The following ZFPM2 variants were observed in gnomAD, a reference collection of about 807,000 sequenced individuals.
ZFPM2 encodes zinc finger protein ZFPM2.
Under a neutral mutation model 98.6 loss-of-function variants are expected in ZFPM2, and 20 were observed. The observed-to-expected ratio is 0.20, with a 90% CI of 0.14 to 0.29. The LOEUF (loss-of-function observed/expected upper bound fraction) is 0.29. Among genes scored for constraint, ZFPM2 ranks in the 10% least tolerant of loss-of-function variants. The probability of loss-of-function intolerance (pLI) is 1.00; values close to 1 mark genes in which losing one functional copy is unlikely to be tolerated. For synonymous variants in ZFPM2, 518 were observed against 502.7 expected (o/e 1.03, Z -0.41); for missense variants, 1,310 against 1,388.6 (o/e 0.94, Z 0.90).
intron 3 of ZFPM2, among the ~76,000 whole-genome samples, chr8:105,530,832 C>T (rs901495236): frequency 1.3e-5 from 2 of 152,136 alleles, no homozygotes; most frequent in Non-Finnish European, 2.9e-5. Context: ...ATGCAAGATG[C>T]TGGACTAGGT....
chr8:105,609,522 T>C (rs769858390), intron 4 of ZFPM2, among the ~76,000 whole-genome samples: 1 of 152,124 alleles, frequency 6.6e-6, no homozygotes, highest in Non-Finnish European at 1.5e-5. Context: ...ACAAGTTAGT[T>C]TTCTAAATCT....
intron 1 of ZFPM2, among the ~76,000 whole-genome samples, chr8:105,364,985 T>G (rs927771842): frequency 6.6e-6 from 1 of 152,106 alleles, no homozygotes; most frequent in Non-Finnish European, 1.5e-5. Context: ...CACTTCCCCA[T>G]TAAACTTTTC....
intron 5 of ZFPM2, among the ~76,000 whole-genome samples, chr8:105,787,825 A>G (rs745842651): frequency 2.6e-5 from 4 of 152,238 alleles, no homozygotes; most frequent in Non-Finnish European, 4.4e-5. Flanking sequence ...GAGAGTGTAG[A>G]TAACAAAATA....
intron 5 of ZFPM2, among the ~76,000 whole-genome samples, chr8:105,645,177 A>T (rs1257398419): frequency 6.6e-6 from 1 of 152,206 alleles, no homozygotes. Context: ...TAACATAGAA[A>T]GCTATGATGT....
Position 105,554,075 on chromosome 8 carries a change from G to T in ZFPM2, c.302-7288G>T, listed in dbSNP as rs532617364. Among the ~76,000 whole-genome samples the T allele has an allele frequency of 2.5e-4, 38 of 152,250 alleles. No homozygotes were observed. The South Asian group carries it at 7.5e-3, about 30-fold the overall frequency. On this transcript the variant is annotated intron_variant, in intron 3 of 7. Transcript: ENST00000407775. ...TGTTCAAAACTGTAGTTTAGTATTT[G>T]TTGTGACTGTATGACTCAAACATTG...
chr8:105,626,999 C>T (rs1816670379), intron 4 of ZFPM2, among the ~76,000 whole-genome samples: 1 of 152,154 alleles, frequency 6.6e-6, no homozygotes, highest in Admixed American at 6.6e-5. Flanking sequence ...TGACTTTTGG[C>T]TCTTTCTAAC....
At chr8:105,395,398 G>A (rs1465326547) in intron 1 of ZFPM2, among the ~76,000 whole-genome samples, 1 of 151,948 alleles carries the variant, frequency 6.6e-6, no homozygotes, top group East Asian at 1.9e-4. Flanking sequence ...TTAATTCTTA[G>A]TGCATTAGAA....
intron 1 of ZFPM2, among the ~76,000 whole-genome samples, chr8:105,354,368 T>C (rs879840617): frequency 6.6e-6 from 1 of 152,226 alleles, no homozygotes; most frequent in Non-Finnish European, 1.5e-5. Context: ...CCATTTTCTT[T>C]ACTTTTAATT....
chr8:105,632,548 C>G (rs1450288614), intron 4 of ZFPM2, among the ~76,000 whole-genome samples: 1 of 152,100 alleles, frequency 6.6e-6, no homozygotes, highest in African/African-American at 2.4e-5. Flanking sequence ...GGACCTAATA[C>G]TTAATTGGAT....
intron 5 of ZFPM2, among the ~76,000 whole-genome samples, chr8:105,783,762 A>T (rs565183588): frequency 5.3e-4 from 67 of 126,926 alleles, no homozygotes; most frequent in South Asian, 1.5e-3. Context: ...TGTAGATCAC[A>T]TGTTTCTTAT....
chr8:105,438,994 T>A (rs1422365267), intron 2 of ZFPM2, among the ~76,000 whole-genome samples: 1 of 151,622 alleles, frequency 6.6e-6, no homozygotes, highest in African/African-American at 2.4e-5. Context: ...CCCAACTAGA[T>A]TATATGGTCC....
intron 4 of ZFPM2, among the ~76,000 whole-genome samples, chr8:105,614,075 C>T (rs1816364161): frequency 6.6e-6 from 1 of 152,034 alleles, no homozygotes; most frequent in Non-Finnish European, 1.5e-5. Flanking sequence ...TTGCCACTTG[C>T]CATTAATTAC....
At chr8:105,463,924 G>T (rs139722853) in intron 3 of ZFPM2, among the ~76,000 whole-genome samples, 5 of 152,170 alleles carry the variant, frequency 3.3e-5, no homozygotes, top group Non-Finnish European at 7.4e-5. Flanking sequence ...TGAGCTGATA[G>T]CCATGAATTT....
At chr8:105,450,798 T>G (rs187136494) in intron 3 of ZFPM2, among the ~76,000 whole-genome samples, 50 of 152,204 alleles carry the variant, frequency 3.3e-4, no homozygotes, top group Non-Finnish European at 5.7e-4. Context: ...GAGCCCTTTA[T>G]GAAACAAGAG....
chr8:105,736,793 C>G (rs1306058334), intron 5 of ZFPM2, among the ~76,000 whole-genome samples: 1 of 152,016 alleles, frequency 6.6e-6, no homozygotes, highest in Non-Finnish European at 1.5e-5. Context: ...CTTCTATACA[C>G]CAGGACTATT....
intron 5 of ZFPM2, among the ~76,000 whole-genome samples, chr8:105,694,382 C>A (rs1360495142): frequency 1.3e-5 from 2 of 152,018 alleles, no homozygotes; most frequent in African/African-American, 4.8e-5. Context: ...AAAAAAATCA[C>A]AATTATGATT....
chr8:105,442,074 C>T (rs1812262674), intron 2 of ZFPM2, among the ~76,000 whole-genome samples: 1 of 151,936 alleles, frequency 6.6e-6, no homozygotes, highest in African/African-American at 2.4e-5. Context: ...TGGCTCACGC[C>T]TGTAATCCCA....
chr8:105,461,031 A>C, intron 3 of ZFPM2, among the ~76,000 whole-genome samples: 1 of 152,162 alleles, frequency 6.6e-6, no homozygotes, highest in Non-Finnish European at 1.5e-5. Context: ...TTCATTTATA[A>C]AAAAATCATA....
intron 4 of ZFPM2, among the ~76,000 whole-genome samples, chr8:105,627,085 T>C (rs542283990): frequency 6.6e-6 from 1 of 152,282 alleles, no homozygotes; most frequent in South Asian, 2.1e-4. Flanking sequence ...ATGTCACCAG[T>C]TTCTTGGGTT....
Sources: gnomAD v4.1 joint callset for allele counts (sites outside exome capture counted in the v4.1 genomes callset) on GRCh38, gnomAD v4.1.1 for gene constraint, MANE v1.5 for transcripts, NCBI Gene and HGNC (gene_info 2026-07-23, HGNC 2026-07-21) for gene names.